Variants in PSIP1 observed in about 807,000 individuals in gnomAD.
PSIP1 encodes the protein PC4 and SFRS1-interacting protein.
PSIP1 carries 19 observed loss-of-function variants against 74.7 expected under a neutral mutation model. That is an observed-to-expected ratio of 0.25 (90% CI 0.18 to 0.37). PSIP1 has a LOEUF of 0.37. Among genes scored for constraint, PSIP1 ranks in the 10% least tolerant of loss-of-function variants. The pLI is 1.00. For missense variants in PSIP1, 601 were observed against 614.3 expected (o/e 0.98, Z 0.23); for synonymous variants, 222 against 195.3 (o/e 1.14, Z -1.14).
chr9:15,467,731 T>TAC (rs2035693737), intron 14 of PSIP1, among the ~76,000 whole-genome samples: 1 of 152,196 alleles, frequency 6.6e-6, no homozygotes, highest in Non-Finnish European at 1.5e-5. Context: ...CTGTTAGTAA[T>TAC]AAGTACTAGC....
chr9:15,506,150 G>A (rs748640235), intron 3 of PSIP1: 1 of 155,398 alleles, frequency 6.4e-6, no homozygotes, highest in Non-Finnish European at 1.4e-5. Context: ...GAGGGAACTA[G>A]CTAGACTTCC....
intron 10 of PSIP1, among the ~76,000 whole-genome samples, chr9:15,470,231 T>C (rs2035767360): frequency 6.6e-6 from 1 of 152,168 alleles, no homozygotes; most frequent in South Asian, 2.1e-4. Flanking sequence ...AATAGTGTGT[T>C]GCTAGAAGAG....
intron 3 of PSIP1, among the ~76,000 whole-genome samples, chr9:15,496,875 T>C (rs1278866521): frequency 6.6e-6 from 1 of 152,128 alleles, no homozygotes; most frequent in Non-Finnish European, 1.5e-5. Flanking sequence ...AATCACAATA[T>C]ACTACCGTCA....
At chr9:15,482,208 G>A (rs1209111802) in intron 6 of PSIP1, among the ~76,000 whole-genome samples, 2 of 151,822 alleles carry the variant, frequency 1.3e-5, no homozygotes, top group Non-Finnish European at 2.9e-5. Flanking sequence ...TGCTGTATCT[G>A]TCCCACAAAT....
chr9:15,469,421 G>A, intron 11 of PSIP1, 85 bp from the exon 12 acceptor site: 4 of 768,354 alleles, frequency 5.2e-6, no homozygotes, highest in Non-Finnish European at 8.3e-6. Context: ...ATGAATTAGT[G>A]GACTTAAAAA....
At chr9:15,471,136 T>G (rs2035809141) in intron 10 of PSIP1, 12 of 1,604,464 alleles carry the variant, frequency 7.5e-6, no homozygotes, top group African/African-American at 1.3e-5. Context: ...TCATCTCTTG[T>G]TTGCTCCACT....
chr9:15,472,563 T>A (rs1027999813), intron 10 of PSIP1, 69 bp downstream of exon 10: 2 of 1,526,758 alleles, frequency 1.3e-6, no homozygotes, highest in Admixed American at 2.4e-5. Context: ...AAAATGAAAG[T>A]CTATTATTTA....
At chr9:15,466,583 G>A (rs943814302) in intron 15 of PSIP1, among the ~76,000 whole-genome samples, 165 bp downstream of exon 15, 5 of 152,266 alleles carry the variant, frequency 3.3e-5, no homozygotes, top group African/African-American at 7.2e-5. Flanking sequence ...TCAATAAAAG[G>A]TTTTTACTCT....
intron 2 of PSIP1, 94 bp downstream of exon 2, chr9:15,510,023 A>T: frequency 7.7e-7 from 1 of 1,295,608 alleles, no homozygotes; most frequent in Non-Finnish European, 1.1e-6. Context: ...CGAGGGAGAG[A>T]AAGGACAGAA....
intron 3 of PSIP1, among the ~76,000 whole-genome samples, chr9:15,499,022 G>A (rs1356185390): frequency 6.6e-6 from 1 of 151,952 alleles, no homozygotes; most frequent in East Asian, 1.9e-4. Flanking sequence ...CACATTCAAG[G>A]TAACTTACCC....
At chr9:15,472,831 G>T in intron 9 of PSIP1, 81 bp from the exon 10 acceptor site, 1 of 1,329,180 alleles carries the variant, frequency 7.5e-7, no homozygotes, top group Non-Finnish European at 1.0e-6. Flanking sequence ...TGGGGGAAAA[G>T]CAGCAGCTAG....
intron 14 of PSIP1, chr9:15,468,408 G>C: frequency 1.5e-6 from 1 of 665,294 alleles, no homozygotes; most frequent in Non-Finnish European, 2.8e-6. Flanking sequence ...CATGAGCAAT[G>C]GTTTCTGCCT....
chr9:15,506,840 C>T (rs1255072643), intron 2 of PSIP1, among the ~76,000 whole-genome samples: 2 of 152,180 alleles, frequency 1.3e-5, no homozygotes, highest in African/African-American at 4.8e-5. Context: ...GGTGGCAAAA[C>T]CTGGACTGAC....
intron 14 of PSIP1, among the ~76,000 whole-genome samples, chr9:15,467,532 G>T (rs986310298): frequency 1.3e-5 from 2 of 152,188 alleles, no homozygotes; most frequent in African/African-American, 4.8e-5. Context: ...AAATGTTTAT[G>T]AGTGAAATGG....
chr9:15,492,993 TGA>T (rs1251655555), intron 3 of PSIP1, among the ~76,000 whole-genome samples: 1 of 152,170 alleles, frequency 6.6e-6, no homozygotes, highest in Non-Finnish European at 1.5e-5. Flanking sequence ...CGTCCTATGA[TGA>T]GAGGGGCTGC....
At chr9:15,493,615 G>A (rs2036936969) in intron 3 of PSIP1, among the ~76,000 whole-genome samples, 2 of 152,298 alleles carry the variant, frequency 1.3e-5, no homozygotes, top group East Asian at 3.9e-4. Flanking sequence ...AAAGAAAAGA[G>A]GTTTAATTGA....
chr9:15,466,888 T>G (rs375647363), intron 14 of PSIP1, 29 bp from the exon 15 acceptor site: 2 of 1,549,124 alleles, frequency 1.3e-6, no homozygotes, highest in African/African-American at 1.4e-5. Context: ...GGAAAAACTT[T>G]GTTAAAGCTT....
intron 10 of PSIP1, chr9:15,471,289 C>G: frequency 6.3e-7 from 1 of 1,575,460 alleles, no homozygotes; most frequent in Non-Finnish European, 8.7e-7. Context: ...CAAGCTGCAT[C>G]TGAAATGCTT....
At chr9:15,480,358 C>T (rs2036283682) in intron 6 of PSIP1, among the ~76,000 whole-genome samples, 1 of 152,140 alleles carries the variant, frequency 6.6e-6, no homozygotes, top group Non-Finnish European at 1.5e-5. Context: ...TTCCCCAACT[C>T]CCCCAACTAT....
Sources: allele counts gnomAD v4.1 joint callset (sites outside exome capture counted in the v4.1 genomes callset), GRCh38; gene constraint gnomAD v4.1.1; transcripts MANE v1.5; gene names NCBI Gene and HGNC (gene_info 2026-07-23, HGNC 2026-07-21).